Variants in VAV1 observed in about 807,000 individuals in gnomAD.
The protein encoded by VAV1 is vav guanine nucleotide exchange factor 1.
Under a neutral mutation model 128.1 loss-of-function variants are expected in VAV1, and 33 were observed. The observed-to-expected ratio is 0.26, with a 90% confidence interval of 0.20 to 0.34. The LOEUF (loss-of-function observed/expected upper bound fraction) is 0.34. Ranked by LOEUF, VAV1 falls within the 10% of genes least tolerant of loss-of-function variation. VAV1 has a pLI of 1.00. For synonymous variants in VAV1, 394 were observed against 409.8 expected (o/e 0.96, Z 0.47); for missense variants, 715 against 1,093.7 (o/e 0.65, Z 4.88).
chr19:6,856,311 T>A (rs1467581762), intron 26 of VAV1, among the ~76,000 whole-genome samples: 5 of 148,708 alleles, frequency 3.4e-5, no homozygotes, highest in Non-Finnish European at 4.5e-5. Context: ...AAAAAAAAAA[T>A]TCTGCCTTGT....
intron 21 of VAV1, among the ~76,000 whole-genome samples, chr19:6,838,093 GTCTGTCTATCTA>G (rs1568312873): frequency 2.0e-5 from 2 of 101,306 alleles, no homozygotes; most frequent in South Asian, 3.4e-4. Context: ...CTGTCTGTCT[GTCTGTCTATCTA>G]TCTATCTATC....
intron 1 of VAV1, among the ~76,000 whole-genome samples, chr19:6,798,577 C>T (rs1378169553): frequency 6.6e-6 from 1 of 152,096 alleles, no homozygotes; most frequent in African/African-American, 2.4e-5. Context: ...CATTTGAACC[C>T]AGGAAGTCGA....
At position 6,780,639 on chromosome 19, in the gene VAV1, T is replaced by C. The variant is rs1970749912; in HGVS notation, c.204+7628T>C. ...CAGGCTGGAGTGCAATGACGTGATC[T>C]CAGCTCACTGGAACCTCCACCTCCT... On this transcript the variant is annotated intron_variant, in intron 1 of 26. Transcript: ENST00000602142. 1.4e-5 allele frequency among the ~76,000 whole-genome samples: 2 copies of C among 147,756 alleles called. 1 individual carries two copies. The highest frequency in any genetic ancestry group is 3.0e-5 in the Non-Finnish European group (2 of 66,242).
intron 14 of VAV1, among the ~76,000 whole-genome samples, chr19:6,830,161 C>A (rs1300995200): frequency 6.6e-6 from 1 of 152,154 alleles, no homozygotes; most frequent in African/African-American, 2.4e-5. Context: ...TGGGTTCAAG[C>A]GATTCTCCTG....
chr19:6,854,860 A>G (rs1459638921), intron 26 of VAV1, among the ~76,000 whole-genome samples: 1 of 152,208 alleles, frequency 6.6e-6, no homozygotes, highest in East Asian at 1.9e-4. Flanking sequence ...AAAGTCATGC[A>G]AATGAAAAGG....
intron 1 of VAV1, among the ~76,000 whole-genome samples, chr19:6,795,832 T>C (rs1193940462): frequency 3.3e-5 from 5 of 152,280 alleles, no homozygotes; most frequent in African/African-American, 1.2e-4. Context: ...TACAGGCGCG[T>C]GCCACCGCGC....
intron 1 of VAV1, among the ~76,000 whole-genome samples, chr19:6,811,388 G>A (rs1389629426): frequency 2.0e-5 from 3 of 152,100 alleles, no homozygotes; most frequent in Admixed American, 2.0e-4. Flanking sequence ...CCACCATGTG[G>A]TGTTCAGGAT....
intron 1 of VAV1, 125 bp downstream of exon 1, chr19:6,773,136 G>A (rs914924929): frequency 2.9e-5 from 38 of 1,291,396 alleles, no homozygotes; most frequent in Non-Finnish European, 3.5e-5. Flanking sequence ...ATGCTTACAG[G>A]TCCAGGGCTG....
intron 1 of VAV1, among the ~76,000 whole-genome samples, chr19:6,782,721 T>A (rs75333335): frequency 0.042 from 6,379 of 151,276 alleles, 468 homozygotes; most frequent in African/African-American, 0.15. Context: ...CTCTACAAAA[T>A]ATATATATAT....
At chr19:6,814,675 T>TTCCTTCCTTCCTTCCTTCCTTCCTTC (rs1568299213) in intron 1 of VAV1, among the ~76,000 whole-genome samples, 3 of 77,178 alleles carry the variant, frequency 3.9e-5, no homozygotes, top group African/African-American at 2.4e-4. Context: ...TTCCTTCCTT[T>TTCCTTCCTTCCTTCCTTCCTTCCTTC]CTTTCTTTCT....
intron 1 of VAV1, among the ~76,000 whole-genome samples, chr19:6,805,760 GCA>G (rs1292721623): frequency 6.7e-6 from 1 of 149,994 alleles, no homozygotes; most frequent in Non-Finnish European, 1.5e-5. Flanking sequence ...ATATATATAT[GCA>G]CACACACTAT....
At chr19:6,853,644 TC>T (rs779478172) in intron 25 of VAV1, among the ~76,000 whole-genome samples, 2 of 150,842 alleles carry the variant, frequency 1.3e-5, no homozygotes, top group Non-Finnish European at 2.9e-5. Flanking sequence ...GGCAGGAGAA[TC>T]ACTTGAACCC....
chr19:6,805,073 T>C (rs1971361955), intron 1 of VAV1, among the ~76,000 whole-genome samples: 1 of 151,982 alleles, frequency 6.6e-6, no homozygotes, highest in Non-Finnish European at 1.5e-5. Flanking sequence ...GGGCAGTTTA[T>C]GCAGAAATTT....
rs144506007 is a variant in VAV1 at position 6,848,708 on chromosome 19, G to C, written c.2129+594G>C. ...GTGAGCCATCGTGCCTGGCCTGAAG[G>C]CTTTTATTTTTAACCAATTTTCATA... On this transcript the variant is annotated intron_variant, in intron 23 of 26. Coordinates refer to ENST00000602142, the MANE Select transcript of VAV1 (RefSeq NM_005428.4). 2.1e-3 allele frequency among the ~76,000 whole-genome samples: 321 copies of C among 151,140 alleles called. 7 individuals are homozygous for C. The highest frequency in any genetic ancestry group is 3.5e-4 in the Non-Finnish European group (24 of 67,654).
At chr19:6,776,709 C>T (rs890560108) in intron 1 of VAV1, among the ~76,000 whole-genome samples, 2 of 151,826 alleles carry the variant, frequency 1.3e-5, no homozygotes, top group African/African-American at 4.8e-5. Flanking sequence ...TTCACCTATC[C>T]ACCCACCCAT....
chr19:6,852,457 C>T (rs1407728946), intron 24 of VAV1, among the ~76,000 whole-genome samples: 2 of 152,190 alleles, frequency 1.3e-5, no homozygotes, highest in African/African-American at 4.8e-5. Flanking sequence ...CACGGTGGCT[C>T]ACGCCTGTAA....
chr19:6,783,491 T>TTTTTA (rs1970812784), intron 1 of VAV1, among the ~76,000 whole-genome samples: 2 of 149,702 alleles, frequency 1.3e-5, no homozygotes, highest in Non-Finnish European at 3.0e-5. Context: ...TTTTTTTTTT[T>TTTTTA]GAGACGGAGT....
At chr19:6,854,763 G>A (rs143442846) in intron 26 of VAV1, among the ~76,000 whole-genome samples, 62 of 152,210 alleles carry the variant, frequency 4.1e-4, no homozygotes, top group Middle Eastern at 6.8e-3. Context: ...ACAGGGCAGC[G>A]TGGGAGCACT....
intron 1 of VAV1, among the ~76,000 whole-genome samples, chr19:6,792,432 G>T (rs140516956): frequency 7.2e-5 from 11 of 152,234 alleles, no homozygotes; most frequent in African/African-American, 2.4e-4. Flanking sequence ...TAGGTTTACA[G>T]CTTAGGGACT....
Sources: gnomAD v4.1 joint callset for allele counts (sites outside exome capture counted in the v4.1 genomes callset) on GRCh38, gnomAD v4.1.1 for gene constraint, MANE v1.5 for transcripts, NCBI Gene and HGNC (gene_info 2026-07-23, HGNC 2026-07-21) for gene names.